Variants in RAC2 observed in about 807,000 individuals in gnomAD.
RAC2 encodes the protein ras-related C3 botulinum toxin substrate 2.
Under a neutral mutation model 24.0 loss-of-function variants are expected in RAC2, and 1 was observed. That is an observed-to-expected ratio of 0.04 (90% confidence interval 0.01 to 0.20). The LOEUF is 0.20. Among genes scored for constraint, RAC2 ranks in the 10% least tolerant of loss-of-function variants. RAC2 has a pLI of 1.00. For synonymous variants in RAC2, 114 were observed against 106.8 expected (o/e 1.07, Z -0.41); for missense variants, 130 against 259.1 (o/e 0.50, Z 3.42).
intron 2 of RAC2, among the ~76,000 whole-genome samples, chr22:37,236,097 G>C (rs992209437): frequency 1.3e-5 from 2 of 152,232 alleles, no homozygotes; most frequent in African/African-American, 4.8e-5. Flanking sequence ...CCCTGGGTGA[G>C]TGACCTAACT....
chr22:37,243,431 T>C (rs1233485954), intron 1 of RAC2, among the ~76,000 whole-genome samples: 1 of 151,862 alleles, frequency 6.6e-6, no homozygotes, highest in African/African-American at 2.4e-5. Context: ...ACAATCACCC[T>C]CCCATCCTTT....
At chr22:37,237,745 C>G (rs1927275184) in intron 2 of RAC2, among the ~76,000 whole-genome samples, 1 of 152,042 alleles carries the variant, frequency 6.6e-6, no homozygotes, top group Non-Finnish European at 1.5e-5. Flanking sequence ...GACGGAGCAA[C>G]AGGAATGGGC....
intron 3 of RAC2, chr22:37,232,280 G>A: frequency 3.8e-6 from 2 of 528,064 alleles, no homozygotes; most frequent in Non-Finnish European, 6.9e-6. Flanking sequence ...GGGAAAGTGA[G>A]GCTTCCAGAG....
rs1220841986 is a variant in RAC2, at chr22:37,226,676, G to C, written c.576C>G (p.Leu192=). 2 of 1,612,772 alleles carry C rather than the reference G, an allele frequency of 1.2e-6. No individual in the cohort carries two copies. The highest frequency in any genetic ancestry group is 3.3e-5 in the Admixed American group (2 of 59,940). Residue 192 remains leucine (L), a synonymous_variant, in exon 6 of 7, where the codon CTC becomes CTG. Transcript: ENST00000249071. ...CTAGAGTGGGGGACTCTTACCCCTA[G>C]AGGAGGCTGCAGGCGCGCTTCTGCT... The part of the protein sequence containing the change: ...TRQQKRACSL[L]
At chr22:37,242,280 G>C (rs568197760) in intron 1 of RAC2, among the ~76,000 whole-genome samples, 2 of 152,314 alleles carry the variant, frequency 1.3e-5, no homozygotes, top group South Asian at 4.1e-4. Context: ...GTCAGGGTTT[G>C]AGTCAGAGTG....
intron 5 of RAC2, among the ~76,000 whole-genome samples, chr22:37,229,465 C>T (rs754387685): frequency 1.3e-5 from 2 of 152,184 alleles, no homozygotes; most frequent in Non-Finnish European, 1.5e-5. Context: ...AAGAGCTCTT[C>T]GTCATAGCTG....
Position 37,244,208 on chromosome 22 carries a change from G to A in RAC2, c.-60C>T. On this transcript the variant is annotated 5_prime_UTR_variant, in exon 1 of 7. Transcript: ENST00000249071. ...GCTCAGGGCCAGGCGCGTTTCTGCG[G>A]GCGCAAGGGGTGTGGAGGCTGGTGA... 6.3e-7 allele frequency: 1 copy of A among 1,599,702 alleles called. No homozygotes were observed. The highest frequency in any genetic ancestry group is 1.1e-5 in the South Asian group (1 of 89,456).
chr22:37,240,536 T>C (rs1003480563), intron 2 of RAC2, among the ~76,000 whole-genome samples: 2 of 148,310 alleles, frequency 1.3e-5, no homozygotes, highest in African/African-American at 4.8e-5. Context: ...GATCTTCCTG[T>C]GGTCCTTCCC....
chr22:37,241,204 T>TC (rs767340560), intron 2 of RAC2: 1 of 774,094 alleles, frequency 1.3e-6, no homozygotes, highest in Non-Finnish European at 2.4e-6. Context: ...GCATGCCTTG[T>TC]CCCCAGGTGT....
At chr22:37,242,592 C>T (rs899327973) in intron 1 of RAC2, among the ~76,000 whole-genome samples, 3 of 152,228 alleles carry the variant, frequency 2.0e-5, no homozygotes, top group African/African-American at 7.2e-5. Flanking sequence ...AGCTCATCCT[C>T]TCCTCCTACC....
At chr22:37,226,634 T>C in intron 6 of RAC2, 37 bp downstream of exon 6, 1 of 1,609,452 alleles carries the variant, frequency 6.2e-7, no homozygotes, top group East Asian at 2.2e-5. Flanking sequence ...GGGCCTGCTG[T>C]GTATGGGAGT....
rs1050259601 is a variant in RAC2 at position 37,231,532 on chromosome 22, G to GGA, written c.289-144_289-143dup. ...AGATCAGAGGTGGGCACGACGGTGA[G>GGA]GAGAGAGAGACGTGAGGTGGCACAG... On this transcript the variant is annotated intron_variant, in intron 4 of 6. Coordinates refer to ENST00000249071, the MANE Select transcript of RAC2 (RefSeq NM_002872.5). The surrounding 1 kb of genome is among the most constrained non-coding windows in gnomAD (Gnocchi z 5.5). The GGA allele has an allele frequency of 1.2e-5, 9 of 752,924 alleles. No individual in the cohort carries two copies. The Admixed American group carries it at 1.6e-4, about 14-fold the overall frequency. 46.6% of individuals were successfully genotyped at this position (752,924 alleles called of 1,614,324 possible). A position where few individuals can be genotyped will look rare whatever the true frequency, so the allele number is the denominator to read the frequency against.
chr22:37,241,718 GT>G, intron 1 of RAC2, 60 bp from the exon 2 acceptor site: 1 of 1,486,768 alleles, frequency 6.7e-7, no homozygotes, highest in South Asian at 1.1e-5. Flanking sequence ...ACGTGGGGAG[GT>G]TTCTGCCTGG....
At chr22:37,239,998 C>G (rs1927339487) in intron 2 of RAC2, among the ~76,000 whole-genome samples, 1 of 152,204 alleles carries the variant, frequency 6.6e-6, no homozygotes, top group Admixed American at 6.5e-5. Flanking sequence ...CAGGACCGAG[C>G]TGGGGCAAAA....
chr22:37,241,509 G>T, intron 2 of RAC2, 78 bp downstream of exon 2: 1 of 1,433,640 alleles, frequency 7.0e-7, no homozygotes, highest in Non-Finnish European at 9.8e-7. Flanking sequence ...TGGCCCACAG[G>T]AAGTGCCTGA....
chr22:37,228,318 C>T (rs1365730990), intron 5 of RAC2, among the ~76,000 whole-genome samples: 7 of 152,066 alleles, frequency 4.6e-5, no homozygotes, highest in African/African-American at 2.4e-5. Flanking sequence ...GGCTAGAGCC[C>T]GGGGCACAGA....
In RAC2 at chr22:37,232,925, G is replaced by A. The variant is rs769841365; in HGVS notation, c.108-7C>T. On this transcript the variant is annotated splice_region_variant and splice_polypyrimidine_tract_variant and intron_variant, in intron 2 of 6. Coordinates refer to ENST00000249071, the MANE Select transcript of RAC2 (RefSeq NM_002872.5). ...GGCTGAATAGTTGTCAAACCTGTGGGGAGCAGGCAAGGCGGAGGTAAGGTC... is the reference window on the plus strand; with the variant it reads ...GGCTGAATAGTTGTCAAACCTGTGGAGAGCAGGCAAGGCGGAGGTAAGGTC... The A allele has an allele frequency of 7.5e-6, 12 of 1,607,334 alleles. No individual in the cohort carries two copies. In the South Asian group the frequency reaches 7.7e-5, roughly 10 times the overall value.
rs151011193 is a variant in RAC2, at chr22:37,242,346, T to G, written c.36-688A>C. Among the ~76,000 whole-genome samples, 200 of 152,338 alleles carry G rather than the reference T, an allele frequency of 1.3e-3. 1 individual carries two copies. The highest frequency in any genetic ancestry group is 4.6e-3 in the African/African-American group (192 of 41,580). On this transcript the variant is annotated intron_variant, in intron 1 of 6. Coordinates refer to ENST00000249071, the MANE Select transcript of RAC2 (RefSeq NM_002872.5). ...CAAATTACTTAGCTTCCCTGAACTT[T>G]CATTTTCCCACCTGTAAAATGGACC...
At chr22:37,239,932 T>C (rs1927338173) in intron 2 of RAC2, among the ~76,000 whole-genome samples, 1 of 152,278 alleles carries the variant, frequency 6.6e-6, no homozygotes, top group East Asian at 1.9e-4. Flanking sequence ...TGGGCAGGAA[T>C]CCTTGTTCCC....
Sources: gnomAD v4.1 joint callset for allele counts (sites outside exome capture counted in the v4.1 genomes callset) on GRCh38, gnomAD v4.1.1 for gene constraint, Gnocchi (gnomAD v3.1) non-coding constraint, MANE v1.5 for transcripts, NCBI Gene and HGNC (gene_info 2026-07-23, HGNC 2026-07-21) for gene names.